The following SLIT2 variants were observed in gnomAD, a reference collection of about 807,000 sequenced individuals.
SLIT2 encodes the protein slit homolog 2 protein.
SLIT2 carries 41 observed loss-of-function variants against 185.7 expected under a neutral mutation model. That is an observed-to-expected ratio of 0.22 (90% confidence interval 0.17 to 0.29). The LOEUF (loss-of-function observed/expected upper bound fraction) is 0.29, where lower values mean the gene tolerates loss of function less well. Among genes scored for constraint, SLIT2 ranks in the 10% least tolerant of loss-of-function variants. SLIT2 has a pLI of 1.00. For synonymous variants in SLIT2, 693 were observed against 680.2 expected (o/e 1.02, Z -0.29); for missense variants, 1,571 against 1,909.0 (o/e 0.82, Z 3.30).
chr4:20,433,565 G>A (rs73250398), intron 4 of SLIT2, among the ~76,000 whole-genome samples: 11,028 of 152,080 alleles, frequency 0.073, 480 homozygotes, highest in Non-Finnish European at 0.1. Context: ...GTAAATATAC[G>A]AAGCTATTTT....
intron 4 of SLIT2, among the ~76,000 whole-genome samples, chr4:20,446,731 A>G (rs2148708329): frequency 6.6e-6 from 1 of 152,336 alleles, no homozygotes; most frequent in South Asian, 2.1e-4. Flanking sequence ...TAGGTACAGA[A>G]TATTGCAATC....
chr4:20,499,805 T>A (rs1577793110), intron 9 of SLIT2, among the ~76,000 whole-genome samples: 2 of 152,280 alleles, frequency 1.3e-5, no homozygotes, highest in African/African-American at 2.4e-5. Context: ...ACTTTTTATA[T>A]GTAAAGATAT....
intron 4 of SLIT2, among the ~76,000 whole-genome samples, chr4:20,333,851 C>T (rs1482553418): frequency 6.6e-6 from 1 of 152,070 alleles, no homozygotes; most frequent in African/African-American, 2.4e-5. Context: ...AAAATGGTTT[C>T]AGAAGAAACT....
chr4:20,309,657 A>G (rs185377129), intron 4 of SLIT2, among the ~76,000 whole-genome samples: 25 of 152,038 alleles, frequency 1.6e-4, no homozygotes, highest in Non-Finnish European at 3.1e-4. Context: ...TGATCTTTAA[A>G]TTAATTGATT....
intron 29 of SLIT2, among the ~76,000 whole-genome samples, chr4:20,570,847 T>C (rs1238547627): frequency 1.3e-5 from 2 of 151,188 alleles, no homozygotes; most frequent in Non-Finnish European, 2.9e-5. Flanking sequence ...TAGAAGGTGG[T>C]TGAGGACTCT....
intron 3 of SLIT2, among the ~76,000 whole-genome samples, chr4:20,268,004 A>G (rs1316864214): frequency 6.6e-6 from 1 of 151,924 alleles, no homozygotes; most frequent in East Asian, 1.9e-4. Flanking sequence ...TTTAAATTAA[A>G]TGTTAAATTG....
At position 20,617,721 on chromosome 4, in the gene SLIT2, G is replaced by A. The variant is rs1262563500; in HGVS notation, c.4348+71G>A. ...GGGGTCCCATGTCTTTGAAAAGAGA[G>A]GGAGAAAAAGTGAAAAAAAAAAAAA... is the stretch of plus-strand genomic sequence containing the variant. On this transcript the variant is annotated intron_variant, in intron 36 of 36. Coordinates refer to ENST00000504154, the MANE Select transcript of SLIT2 (RefSeq NM_004787.4). The A allele has an allele frequency of 2.0e-5, 17 of 836,070 alleles. No individual in the cohort carries two copies. The African/African-American group carries it at 2.3e-4, about 11-fold the overall frequency. 51.8% of individuals were successfully genotyped at this position (836,070 alleles called of 1,614,324 possible).
At chr4:20,397,544 C>T (rs1008542581) in intron 4 of SLIT2, among the ~76,000 whole-genome samples, 12 of 151,682 alleles carry the variant, frequency 7.9e-5, no homozygotes, top group Admixed American at 5.9e-4. Context: ...AAACCACACA[C>T]ATCTTCCTTT....
At chr4:20,367,132 G>A (rs1299742113) in intron 4 of SLIT2, among the ~76,000 whole-genome samples, 1 of 152,056 alleles carries the variant, frequency 6.6e-6, no homozygotes, top group Non-Finnish European at 1.5e-5. Context: ...AATCCACAGT[G>A]GCTGCATCAT....
chr4:20,613,694 T>C (rs531226859), intron 34 of SLIT2, among the ~76,000 whole-genome samples: 29 of 152,018 alleles, frequency 1.9e-4, no homozygotes, highest in African/African-American at 3.1e-4. Context: ...GAACTTAAGA[T>C]AAAAGTTAAA....
chr4:20,449,689 G>A (rs982371910), intron 4 of SLIT2, among the ~76,000 whole-genome samples: 3 of 152,070 alleles, frequency 2.0e-5, no homozygotes, highest in African/African-American at 4.8e-5. Flanking sequence ...TTACACGCGT[G>A]AGCCACCGCA....
At chr4:20,378,528 A>T (rs1406266764) in intron 4 of SLIT2, among the ~76,000 whole-genome samples, 1 of 152,146 alleles carries the variant, frequency 6.6e-6, no homozygotes, top group Non-Finnish European at 1.5e-5. Context: ...ATACAGAAAT[A>T]TTGGAAGAAT....
At chr4:20,465,826 A>ACCC (rs1329324045) in intron 4 of SLIT2, among the ~76,000 whole-genome samples, 1 of 152,066 alleles carries the variant, frequency 6.6e-6, no homozygotes, top group Non-Finnish European at 1.5e-5. Context: ...GTGCCTAGGG[A>ACCC]CTGAGCAGAA....
intron 4 of SLIT2, among the ~76,000 whole-genome samples, chr4:20,312,526 C>A (rs1718206336): frequency 6.6e-6 from 1 of 151,892 alleles, no homozygotes; most frequent in Non-Finnish European, 1.5e-5. Flanking sequence ...GTAATCCCAG[C>A]ACTTTGGGAG....
chr4:20,379,233 A>G (rs533850465), intron 4 of SLIT2, among the ~76,000 whole-genome samples: 1 of 152,250 alleles, frequency 6.6e-6, no homozygotes, highest in African/African-American at 2.4e-5. Flanking sequence ...GGGGATATTG[A>G]TGGCATAAGA....
At chr4:20,581,415 C>T (rs1726555896) in intron 29 of SLIT2, among the ~76,000 whole-genome samples, 1 of 152,146 alleles carries the variant, frequency 6.6e-6, no homozygotes, top group Non-Finnish European at 1.5e-5. Context: ...TTGAGGGGCA[C>T]AATTGAATCC....
intron 4 of SLIT2, among the ~76,000 whole-genome samples, chr4:20,427,973 G>A (rs533735692): frequency 6.6e-6 from 1 of 152,112 alleles, no homozygotes; most frequent in South Asian, 2.1e-4. Context: ...TCCATACTGT[G>A]CTAATTACTT....
intron 9 of SLIT2, among the ~76,000 whole-genome samples, chr4:20,493,542 C>G (rs1246411303): frequency 6.6e-6 from 1 of 152,098 alleles, no homozygotes. Context: ...GAGATGAACA[C>G]ATCAAGTTCA....
chr4:20,566,030 T>A (rs1725063145), intron 26 of SLIT2, among the ~76,000 whole-genome samples: 1 of 152,018 alleles, frequency 6.6e-6, no homozygotes. Flanking sequence ...TTTCAGTAGA[T>A]CAACAACGCA....
Sources: gnomAD v4.1 joint callset for allele counts (sites outside exome capture counted in the v4.1 genomes callset) on GRCh38, gnomAD v4.1.1 for gene constraint, MANE v1.5 for transcripts, NCBI Gene and HGNC (gene_info 2026-07-23, HGNC 2026-07-21) for gene names.